The following COL7A1 variants were observed in gnomAD, a reference collection of about 807,000 sequenced individuals.
COL7A1 encodes the protein collagen alpha-1(VII) chain.
A neutral mutation model predicts 456.2 loss-of-function variants in COL7A1; 296 were observed. That is an observed-to-expected ratio of 0.65 (90% CI 0.59 to 0.71). COL7A1 has a LOEUF of 0.71. Among genes scored for constraint, COL7A1 ranks in the 30% least tolerant of loss-of-function variants. COL7A1 has a pLI of 0.00. For missense variants in COL7A1, 3,441 were observed against 4,017.2 expected, an observed-to-expected ratio of 0.86 and a Z score of 3.88; for synonymous variants, 1,464 against 1,525.9, an observed-to-expected ratio of 0.96 and a Z score of 0.95.
At position 48,571,708 on chromosome 3, in the gene COL7A1, A is replaced by T; in HGVS notation, c.7068+293T>A. 1 of 643,086 alleles carries T rather than the reference A, an allele frequency of 1.6e-6. No individual in the cohort carries two copies. Among genetic ancestry groups the T allele is most frequent in the Non-Finnish European group, 2.9e-6 (1 of 345,258 alleles). The allele number at this position is 643,086 out of a possible 1,614,324, so 39.8% of individuals were successfully genotyped here. A position where few individuals can be genotyped will look rare whatever the true frequency, so the allele number is the denominator to read the frequency against. On this transcript the variant is annotated intron_variant, in intron 92 of 118. Coordinates refer to ENST00000681320, the MANE Select transcript of COL7A1 (RefSeq NM_000094.4). This position sits in a 1 kb window ranked among gnomAD's most constrained non-coding sequence, Gnocchi z 4.6. ...ACAGGACCAAGGAGAGGTTCACAAG[A>T]ACTCAGGTGTGTCCTGGGATCTGGG...
Position 48,565,677 on chromosome 3 carries a change from G to A in COL7A1, c.8408-9C>T. On this transcript the variant is annotated splice_polypyrimidine_tract_variant and intron_variant, in intron 114 of 118. Transcript: ENST00000681320. The surrounding 1 kb of genome is among the most constrained non-coding windows in gnomAD (Gnocchi z 4.5). ...GAACTGGCCCTGGCAGGCTAGAGGG[G>A]GCAGAGAGGGATAGAGAGACAATGA... 1 of 1,612,064 alleles carries A rather than the reference G, an allele frequency of 6.2e-7. No individual in the cohort carries two copies. Among genetic ancestry groups the A allele is most frequent in the African/African-American group, 1.3e-5 (1 of 74,990 alleles).
rs1411641690 is a variant in COL7A1, at chr3:48,567,499, C to A, written c.8046+75G>T. 108 of 1,594,490 alleles carry A rather than the reference C, an allele frequency of 6.8e-5. No individual in the cohort carries two copies. The highest frequency in any genetic ancestry group is 8.9e-5 in the Non-Finnish European group (103 of 1,162,540). On this transcript the variant is annotated intron_variant, in intron 109 of 118. Coordinates refer to ENST00000681320, the MANE Select transcript of COL7A1 (RefSeq NM_000094.4). The surrounding 1 kb of genome is among the most constrained non-coding windows in gnomAD (Gnocchi z 4.3). ...CTCTACAGCCTTCCTTGTCCCTACA[C>A]CCCCATGACCCGACCATGAGCTTCC...
Position 48,589,700 on chromosome 3 carries a change from C to G in COL7A1, c.2069G>C (p.Arg690Thr), listed in dbSNP as rs1188971728. 6.2e-7 allele frequency: 1 copy of G among 1,614,094 alleles called. No individual in the cohort carries two copies. The highest frequency in any genetic ancestry group is 1.1e-5 in the South Asian group (1 of 91,084). The change falls in exon 17 of 119, where the codon AGG (arginine) becomes ACG (threonine). Residue 690 changes from arginine (R) to threonine (T), a missense_variant. Coordinates refer to ENST00000681320, the MANE Select transcript of COL7A1 (RefSeq NM_000094.4). ...VARTDPLGPV[R>T]TVHVTQASSS... ...GCTGGCCTGAGTCACATGGACCGTC[C>G]TCACTGGGCCCAGTGGGTCTAGTGG...
rs376248196 is a variant in COL7A1, at chr3:48,572,059, C to A, written c.7024-14G>T. 7.4e-6 allele frequency: 12 copies of A among 1,612,680 alleles called. No homozygotes were observed. The highest frequency in any genetic ancestry group is 9.3e-6 in the Non-Finnish European group (11 of 1,179,458). ...GCCAGCTTCACCCTGCACAGAATGG[C>A]AGGTGAGGGGTGTCTGGACTGAGCC... is the stretch of plus-strand genomic sequence containing the variant. On this transcript the variant is annotated splice_polypyrimidine_tract_variant and intron_variant, in intron 91 of 118. Transcript: ENST00000681320. This position sits in a 1 kb window ranked among gnomAD's most constrained non-coding sequence, Gnocchi z 4.6.
chr3:48,572,137 C>T lies in COL7A1; in HGVS notation c.7013G>A (p.Arg2338Gln), dbSNP rs201011691. 6.8e-6 allele frequency: 11 copies of T among 1,614,014 alleles called. No individual in the cohort carries two copies. Among genetic ancestry groups the T allele is most frequent in the East Asian group, 2.2e-5 (1 of 44,872 alleles). Residue 2338 changes from arginine (R) to glutamine (Q), a missense_variant, in exon 91 of 119, where the codon CGA (arginine) becomes CAA (glutamine). Physicochemically the swap from Arg to Gln is conservative, Grantham distance 43 (BLOSUM62 1). Transcript: ENST00000681320. This position sits in a 1 kb window ranked among gnomAD's most constrained non-coding sequence, Gnocchi z 4.6. ...GCCAACCCACCTCACCTTCTCGCCT[C>T]GCGGCCCTGGCAGTCCTCGGTCACC... Reference protein sequence around the residue: ...AKGDRGLPGPRGEKGEAGRAG... With the variant: ...AKGDRGLPGPQGEKGEAGRAG...
At chr3:48,584,194 G>C in intron 37 of COL7A1, 104 bp downstream of exon 37, 10 of 1,556,830 alleles carry the variant, frequency 6.4e-6, no homozygotes, top group Non-Finnish European at 8.8e-6. Flanking sequence ...GTGAGGATGG[G>C]GGTAATCAAA....
chr3:48,581,500 G>A lies in COL7A1; in HGVS notation c.4783-17C>T. On this transcript the variant is annotated splice_polypyrimidine_tract_variant and intron_variant, in intron 50 of 118. Coordinates refer to ENST00000681320, the MANE Select transcript of COL7A1 (RefSeq NM_000094.4). The surrounding 1 kb of genome is among the most constrained non-coding windows in gnomAD (Gnocchi z 5.8). Reference sequence around the variant, plus strand: ...AATGGGACCCTGAAGGGGACAGAAGGGGGGCAGGACTTAGTCAGGGTCCCA... The same window carrying A: ...AATGGGACCCTGAAGGGGACAGAAGAGGGGCAGGACTTAGTCAGGGTCCCA... The A allele has an allele frequency of 5.6e-6, 9 of 1,614,144 alleles. No individual in the cohort carries two copies. The highest frequency in any genetic ancestry group is 2.2e-5 in the East Asian group (1 of 44,890).
chr3:48,584,648 G>A (rs1194789391), intron 35 of COL7A1, 86 bp downstream of exon 35: 17 of 1,611,812 alleles, frequency 1.1e-5, no homozygotes, highest in Admixed American at 8.3e-5. Flanking sequence ...TCCTATTCGC[G>A]CCTTAGGCCC....
chr3:48,564,403 G>C lies in COL7A1; in HGVS notation c.*3C>G. 2 of 1,614,084 alleles carry C rather than the reference G, an allele frequency of 1.2e-6. No individual in the cohort carries two copies. The highest frequency in any genetic ancestry group is 1.7e-5 in the Admixed American group (1 of 60,028). ...TGCTGAATCTCAGCTCATTATCTGGGCCTCAGTCCTGGGCAGTACCTGGTG... is the reference window on the plus strand; with the variant it reads ...TGCTGAATCTCAGCTCATTATCTGGCCCTCAGTCCTGGGCAGTACCTGGTG... On this transcript the variant is annotated 3_prime_UTR_variant, in exon 119 of 119. Transcript: ENST00000681320. The surrounding 1 kb of genome is among the most constrained non-coding windows in gnomAD (Gnocchi z 6.0).
chr3:48,593,281 C>T lies in COL7A1; in HGVS notation c.521-18G>A, dbSNP rs1351803202. On this transcript the variant is annotated intron_variant, in intron 5 of 118. Coordinates refer to ENST00000681320, the MANE Select transcript of COL7A1 (RefSeq NM_000094.4). The surrounding 1 kb of genome is among the most constrained non-coding windows in gnomAD (Gnocchi z 4.4). ...CTTGATCCCTGAAGTGACGACCCATCAGGACTCAGTCACCCACATGCTCTC... is the reference window on the plus strand; with the variant it reads ...CTTGATCCCTGAAGTGACGACCCATTAGGACTCAGTCACCCACATGCTCTC... The T allele has an allele frequency of 6.2e-7, 1 of 1,614,134 alleles. No homozygotes were observed. Among genetic ancestry groups the T allele is most frequent in the Admixed American group, 1.7e-5 (1 of 60,020 alleles).
Position 48,587,645 on chromosome 3 carries a change from T to C in COL7A1, c.2858-91A>G, listed in dbSNP as rs2045369962. 1 of 1,607,266 alleles carries C rather than the reference T, an allele frequency of 6.2e-7. No homozygotes were observed. The highest frequency in any genetic ancestry group is 8.5e-7 in the Non-Finnish European group (1 of 1,175,064). ...GAGATCCTGGGTCCGGTTTGTCTTA[T>C]TGAAGCATCATGGGAGGTCATGCTG... On this transcript the variant is annotated intron_variant, in intron 22 of 118. Coordinates refer to ENST00000681320, the MANE Select transcript of COL7A1 (RefSeq NM_000094.4). This position sits in a 1 kb window ranked among gnomAD's most constrained non-coding sequence, Gnocchi z 6.1.
At position 48,571,605 on chromosome 3, in the gene COL7A1, G is replaced by A. The variant is rs1306674579; in HGVS notation, c.7069-327C>T. 15 of 659,648 alleles carry A rather than the reference G, an allele frequency of 2.3e-5. No individual in the cohort carries two copies. The highest frequency in any genetic ancestry group is 6.2e-5 in the East Asian group (2 of 32,244). 40.9% of individuals were successfully genotyped at this position (659,648 alleles called of 1,614,324 possible). ...GGCGCTCAGAGGGGAACCCCAACAC[G>A]TCCACTCCCGGGTAGAGCAGGCATG... is the stretch of plus-strand genomic sequence containing the variant. On this transcript the variant is annotated intron_variant, in intron 92 of 118. Transcript: ENST00000681320. This position sits in a 1 kb window ranked among gnomAD's most constrained non-coding sequence, Gnocchi z 4.6.
In COL7A1 at chr3:48,583,035, G is replaced by A; in HGVS notation, c.4496C>T (p.Pro1499Leu). 1 of 1,614,014 alleles carries A rather than the reference G, an allele frequency of 6.2e-7. No individual in the cohort carries two copies. The highest frequency in any genetic ancestry group is 8.5e-7 in the Non-Finnish European group (1 of 1,179,982). ...TACCCGGGATCCCGCTGGGCCTGGG[G>A]GTCCACGTTCGCCCTGATGGAAAAG... is the stretch of plus-strand genomic sequence containing the variant. ...GEAGEKGERG[P>L]PGPAGSRGLP... The change falls in exon 44 of 119, where the codon CCC becomes CTC. Residue 1499 changes from proline (P) to leucine (L), a missense_variant. Pro to Leu is a moderately conservative substitution (Grantham distance 98, BLOSUM62 -3). This residue lies in a region of COL7A1 where 2,084 missense variants were observed against 2,501.3 expected (regional missense o/e 0.83). Coordinates refer to ENST00000681320, the MANE Select transcript of COL7A1 (RefSeq NM_000094.4). The surrounding 1 kb of genome is among the most constrained non-coding windows in gnomAD (Gnocchi z 5.1).
Position 48,564,651 on chromosome 3 carries a change from C to T in COL7A1, c.8818+132G>A, listed in dbSNP as rs1466889020. 1.0e-5 allele frequency: 12 copies of T among 1,157,182 alleles called. No homozygotes were observed. Among genetic ancestry groups the T allele is most frequent in the Non-Finnish European group, 1.5e-5 (12 of 815,428 alleles). 71.7% of individuals were successfully genotyped at this position (1,157,182 alleles called of 1,614,324 possible). A position where few individuals can be genotyped will look rare whatever the true frequency, so the allele number is the denominator to read the frequency against. ...AGCTCTTTGGTCTGGGCGTCTGCCC[C>T]AGGTCCCCTACTGCGAGGGAGCGTC... is the stretch of plus-strand genomic sequence containing the variant. On this transcript the variant is annotated intron_variant, in intron 118 of 118. Coordinates refer to ENST00000681320, the MANE Select transcript of COL7A1 (RefSeq NM_000094.4). The surrounding 1 kb of genome is among the most constrained non-coding windows in gnomAD (Gnocchi z 6.0).
rs1299648939 is a variant in COL7A1, at chr3:48,584,376, C to T, written c.4120-1G>A. Reference sequence around the variant, plus strand: ...GTGGTCCACGAGGTCCAGGGGGGCCCTGATGGAGGAGACAAAGTATAAGGT... The same window carrying T: ...GTGGTCCACGAGGTCCAGGGGGGCCTTGATGGAGGAGACAAAGTATAAGGT... On this transcript the variant is annotated splice_acceptor_variant, in intron 36 of 118. Coordinates refer to ENST00000681320, the MANE Select transcript of COL7A1 (RefSeq NM_000094.4). LOFTEE classifies it high-confidence loss of function. 1 of 1,613,772 alleles carries T rather than the reference C, an allele frequency of 6.2e-7. No individual in the cohort carries two copies. The highest frequency in any genetic ancestry group is 1.7e-5 in the Admixed American group (1 of 60,016).
chr3:48,573,933 T>G lies in COL7A1; in HGVS notation c.6502-43A>C. ...TGATGAGCCTCAATCTGGGCCTCACTTGGGCCTGTTCCCAACCTCTGGGGG... is the reference window on the plus strand; with the variant it reads ...TGATGAGCCTCAATCTGGGCCTCACGTGGGCCTGTTCCCAACCTCTGGGGG... On this transcript the variant is annotated intron_variant, in intron 80 of 118. Coordinates refer to ENST00000681320, the MANE Select transcript of COL7A1 (RefSeq NM_000094.4). The surrounding 1 kb of genome is among the most constrained non-coding windows in gnomAD (Gnocchi z 5.5). 2 of 1,610,244 alleles carry G rather than the reference T, an allele frequency of 1.2e-6. No individual in the cohort carries two copies. Among genetic ancestry groups the G allele is most frequent in the Non-Finnish European group, 1.7e-6 (2 of 1,178,910 alleles).
rs1242317614 is a variant in COL7A1, at chr3:48,594,464, A to G, written c.170T>C (p.Val57Ala). The change falls in exon 3 of 119, where the codon GTC becomes GCC. Residue 57 changes from valine (V) to alanine (A), a missense_variant. Coordinates refer to ENST00000681320, the MANE Select transcript of COL7A1 (RefSeq NM_000094.4). This position sits in a 1 kb window ranked among gnomAD's most constrained non-coding sequence, Gnocchi z 5.5. ...CACCAGCCCTTCGAGAAAGCTGCGG[A>G]CCTCGCGGAAATTGCTGCGGCCAAT... ...SSIGRSNFRE[V>A]RSFLEGLVLP... The G allele has an allele frequency of 1.2e-6, 2 of 1,612,352 alleles. No individual in the cohort carries two copies. Among genetic ancestry groups the G allele is most frequent in the Non-Finnish European group, 1.7e-6 (2 of 1,180,034 alleles).
rs746302492 is a variant in COL7A1 at position 48,566,510 on chromosome 3, C to T, written c.8358G>A (p.Thr2786=). 5.6e-6 allele frequency: 9 copies of T among 1,613,952 alleles called. No individual in the cohort carries two copies. The highest frequency in any genetic ancestry group is 3.3e-5 in the Admixed American group (2 of 60,004). Residue 2786 remains threonine (T), a splice_region_variant and synonymous_variant, in exon 113 of 119, where the codon ACG becomes ACA. Coordinates refer to ENST00000681320, the MANE Select transcript of COL7A1 (RefSeq NM_000094.4). This position sits in a 1 kb window ranked among gnomAD's most constrained non-coding sequence, Gnocchi z 5.9. ...CAGGCCCATCCAGGCCCACACTCACCGTCAGTGCAGCTTCTCCCTTCTCGC... is the reference window on the plus strand; with the variant it reads ...CAGGCCCATCCAGGCCCACACTCACTGTCAGTGCAGCTTCTCCCTTCTCGC... ...PRGEKGEAAL[T]EDDIRGFVRQ...
rs1310338402 is a variant in COL7A1 at position 48,564,804 on chromosome 3, C to G, written c.8797G>C (p.Val2933Leu). 2 of 1,613,828 alleles carry G rather than the reference C, an allele frequency of 1.2e-6. No individual in the cohort carries two copies. The highest frequency in any genetic ancestry group is 1.7e-6 in the Non-Finnish European group (2 of 1,179,986). ...EACERRCPPR[V>L]VQSQGTGTAQ... ...ATACCTGTCCCCTGGCTCTGGACCACCCGGGGTGGGCAGCGGCGCTCGCAG... is the reference window on the plus strand; with the variant it reads ...ATACCTGTCCCCTGGCTCTGGACCAGCCGGGGTGGGCAGCGGCGCTCGCAG... Residue 2933 changes from valine to leucine, a missense_variant, in exon 118 of 119, where the codon GTG becomes CTG. Coordinates refer to ENST00000681320, the MANE Select transcript of COL7A1 (RefSeq NM_000094.4). The surrounding 1 kb of genome is among the most constrained non-coding windows in gnomAD (Gnocchi z 6.0).
Sources: allele counts gnomAD v4.1 joint callset, GRCh38; gene constraint gnomAD v4.1.1; regional missense constraint gnomAD v4.1.1; non-coding constraint Gnocchi (gnomAD v3.1); transcripts MANE v1.5; gene names NCBI Gene and HGNC (gene_info 2026-07-23, HGNC 2026-07-21).